Variants in PNCK observed in about 807,000 individuals in gnomAD.
The protein encoded by PNCK is calcium/calmodulin-dependent protein kinase type 1B.
In PNCK, 21 loss-of-function variants were observed where a neutral mutation model predicts 28.3. The ratio of observed to expected loss-of-function variants is 0.74; its 90% CI spans 0.53 to 1.07. The LOEUF (loss-of-function observed/expected upper bound fraction) is 1.07. Among genes scored for constraint, PNCK ranks in the 50% least tolerant of loss-of-function variants. The pLI is 0.00. For synonymous variants in PNCK, 136 were observed against 125.2 expected, an observed-to-expected ratio of 1.09 and a Z score of -0.58; for missense variants, 250 against 298.3, an observed-to-expected ratio of 0.84 and a Z score of 1.19.
rs782649500 is a variant in PNCK at position 153,682,435 on chromosome X, G to A, written c.-3+4996C>T. Among the ~76,000 whole-genome samples the A allele has an allele frequency of 4.5e-5, 5 of 111,074 alleles. No homozygotes were observed. The East Asian group carries it at 8.5e-4, about 19-fold the overall frequency. On this transcript the variant is annotated intron_variant, in intron 1 of 3. Coordinates refer to the PNCK transcript ENST00000419804. ...GCTGGGAGCACAGGTGCGTGTCACC[G>A]CCCCAGCTAATTTTTAAATTTTTTG...
upstream of PNCK, among the ~76,000 whole-genome samples, chrX:153,679,675 G>A (rs1278509519): frequency 2.0e-5 from 2 of 102,035 alleles, no homozygotes; most frequent in African/African-American, 7.2e-5. Flanking sequence ...GAGTTCAAGC[G>A]ATTCTCCTGC....
chrX:153,671,384 G>A (rs373526914), intron 6 of PNCK, 24 bp from the exon 7 acceptor site: 184 of 1,210,375 alleles, frequency 1.5e-4, no homozygotes, highest in Non-Finnish European at 1.9e-4. Flanking sequence ...ACAGACAGAC[G>A]CACGCACAGG....
chrX:153,684,736 G>T (rs1390937194), intron 1 of PNCK, among the ~76,000 whole-genome samples: 1 of 87,731 alleles, frequency 1.1e-5, no homozygotes, highest in East Asian at 3.7e-4. Context: ...TCCCCGGTCC[G>T]CAGCTGCCCT....
chrX:153,674,492 A>G, upstream of PNCK: 1 of 207,220 alleles, frequency 4.8e-6, no homozygotes, highest in Non-Finnish European at 8.9e-6. Flanking sequence ...TCGATCAGAT[A>G]TCTGCCTGGC....
At chrX:153,687,478 G>C (rs1603211719) in exon 1 of PNCK, 40 of 325,449 alleles carry the variant, frequency 1.2e-4, no homozygotes, top group South Asian at 1.0e-3. Flanking sequence ...CCGGGAAGCT[G>C]TAGCCCCCAG....
chrX:153,684,944 T>G (rs1603210309), intron 1 of PNCK, among the ~76,000 whole-genome samples: 1 of 88,147 alleles, frequency 1.1e-5, no homozygotes, highest in Non-Finnish European at 2.2e-5. Context: ...AAGGGGAGGG[T>G]GCAGCTCTCC....
chrX:153,679,566 CTTTTTTTTTTTTTT>C, upstream of PNCK, among the ~76,000 whole-genome samples: 1 of 46,073 alleles, frequency 2.2e-5, no homozygotes, highest in South Asian at 9.1e-4. Context: ...CTTTTCTTTT[CTTTTTTTTTTTTTT>C]TTTTTTTTTG....
chrX:153,677,080 C>T (rs1361830562), upstream of PNCK, among the ~76,000 whole-genome samples: 1 of 110,559 alleles, frequency 9.0e-6, no homozygotes, highest in African/African-American at 3.3e-5. Flanking sequence ...GCTGGGACTA[C>T]AGGCACCCGC....
rs148297401 is a variant in PNCK at position 153,680,456 on chromosome X, A to G, written c.-3+6975T>C. On this transcript the variant is annotated intron_variant, in intron 1 of 3. Transcript: ENST00000419804. ...TGAATGGAAGCTTCCTGAGGGTGTCACTAGAAGCAGATGCTGGCACCACAC... is the reference window on the plus strand; with the variant it reads ...TGAATGGAAGCTTCCTGAGGGTGTCGCTAGAAGCAGATGCTGGCACCACAC... Among the ~76,000 whole-genome samples, 491 of 109,540 alleles carry G rather than the reference A, an allele frequency of 4.5e-3. 3 individuals are homozygous for G. The highest frequency in any genetic ancestry group is 0.015 in the African/African-American group (458 of 30,050).
upstream of PNCK, among the ~76,000 whole-genome samples, chrX:153,675,979 T>C (rs1557041480): frequency 2.0e-5 from 2 of 102,326 alleles, no homozygotes; most frequent in African/African-American, 7.5e-5. Context: ...TTTTCTTTTT[T>C]TTCTTTTCTT....
rs377586241 is a variant in PNCK, at chrX:153,682,283, C to T, written c.-3+5148G>A. ...GGATTACAGGTGTGGGCCACCGCACCGGCCTGTTTTGTTTTGAGGCAGGGT... is the reference window on the plus strand; with the variant it reads ...GGATTACAGGTGTGGGCCACCGCACTGGCCTGTTTTGTTTTGAGGCAGGGT... On this transcript the variant is annotated intron_variant, in intron 1 of 3. Coordinates refer to the PNCK transcript ENST00000419804. Among the ~76,000 whole-genome samples the T allele has an allele frequency of 2.4e-4, 26 of 109,470 alleles. No individual in the cohort carries two copies. In the East Asian group the frequency reaches 3.5e-3, roughly 15 times the overall value.
At chrX:153,683,447 C>G (rs1257240696) in intron 1 of PNCK, among the ~76,000 whole-genome samples, 21 of 88,264 alleles carry the variant, frequency 2.4e-4, no homozygotes, top group Non-Finnish European at 2.7e-4. Flanking sequence ...GCCCTGAAGG[C>G]TAGGTTTTTT....
intron 5 of PNCK, 79 bp downstream of exon 5, chrX:153,671,801 C>A: frequency 8.5e-7 from 1 of 1,178,534 alleles, no homozygotes; most frequent in Non-Finnish European, 1.1e-6. Context: ...AGAAAGGCCC[C>A]AGCCGTGCTC....
At chrX:153,677,656 AGT>A (rs1260117883), upstream of PNCK, among the ~76,000 whole-genome samples, 9,850 of 99,467 alleles carry the variant, frequency 0.099, 467 homozygotes, top group South Asian at 0.14. Context: ...GTATATATAT[AGT>A]GTGTATATAT....
chrX:153,670,632 C>T, intron 10 of PNCK, 38 bp from the exon 11 acceptor site: 1 of 1,198,242 alleles, frequency 8.3e-7, no homozygotes, highest in Non-Finnish European at 1.1e-6. Flanking sequence ...GGCCTGGGCC[C>T]AGGCCCCAGC....
At position 153,672,995 on chromosome X, in the gene PNCK, G is replaced by A. The variant is rs5987127; in HGVS notation, c.68+14C>T. On this transcript the variant is annotated intron_variant, in intron 2 of 11. Coordinates refer to ENST00000340888, the MANE Select transcript of PNCK (RefSeq NM_001366977.1). ...CACACACACACACGATCACACACGC[G>A]CGCGCACACTCACGAGCCGAGCCTC... 133,878 of 1,168,100 alleles carry A rather than the reference G, an allele frequency of 0.11. 5,486 individuals are homozygous for A. The highest frequency in any genetic ancestry group is 0.15 in the South Asian group (8,101 of 53,007).
At chrX:153,671,219 G>A (rs1557039687) in intron 7 of PNCK, 29 bp from the exon 8 acceptor site, 2 of 1,208,793 alleles carry the variant, frequency 1.7e-6, no homozygotes, top group African/African-American at 1.7e-5. Flanking sequence ...TCATCCAGCT[G>A]TCCCACCCTC....
At chrX:153,680,880 T>G (rs1235746846) in intron 1 of PNCK, among the ~76,000 whole-genome samples, 2 of 107,521 alleles carry the variant, frequency 1.9e-5, no homozygotes, top group Non-Finnish European at 3.8e-5. Flanking sequence ...AATACAAAAA[T>G]TAGCCGGGCG....
At chrX:153,686,673 C>T (rs2091421424) in intron 1 of PNCK, 1 of 111,990 alleles carries the variant, frequency 8.9e-6, no homozygotes, top group Non-Finnish European at 1.9e-5. Flanking sequence ...AAGGCTGGGC[C>T]AGAGAAGACC....
Sources: allele counts gnomAD v4.1 joint callset (sites outside exome capture counted in the v4.1 genomes callset), GRCh38; gene constraint gnomAD v4.1.1; transcripts MANE v1.5; gene names NCBI Gene and HGNC (gene_info 2026-07-23, HGNC 2026-07-21).